Variants in THSD7B observed in about 807,000 individuals in gnomAD.
THSD7B encodes thrombospondin type 1 domain containing 7B.
THSD7B carries 138 observed loss-of-function variants against 213.6 expected under a neutral mutation model. That is an observed-to-expected ratio of 0.65 (90% CI 0.56 to 0.74). THSD7B has a LOEUF of 0.74. Ranked by LOEUF, THSD7B falls within the 30% of genes least tolerant of loss-of-function variation. The pLI is 0.00. For missense variants in THSD7B, 1,931 were observed against 1,991.5 expected, an observed-to-expected ratio of 0.97 and a Z score of 0.58; for synonymous variants, 742 against 687.0, an observed-to-expected ratio of 1.08 and a Z score of -1.25.
chr2:137,099,621 G>T (rs1333483364), intron 4 of THSD7B, among the ~76,000 whole-genome samples: 2 of 152,212 alleles, frequency 1.3e-5, no homozygotes, highest in Non-Finnish European at 2.9e-5. Context: ...CAACTCCTAC[G>T]ACCCCACTGG....
At chr2:137,080,168 A>ATATG (rs1553469344) in intron 3 of THSD7B, among the ~76,000 whole-genome samples, 2 of 148,204 alleles carry the variant, frequency 1.3e-5, no homozygotes, top group Non-Finnish European at 3.0e-5. Flanking sequence ...ATGTAAATAT[A>ATATG]TGTGTGTGTG....
intron 1 of THSD7B, among the ~76,000 whole-genome samples, chr2:136,798,184 C>A (rs1180649912): frequency 1.3e-5 from 2 of 151,760 alleles, no homozygotes; most frequent in East Asian, 3.9e-4. Context: ...ATTATTTTTC[C>A]ACTCTCATTA....
intron 6 of THSD7B, among the ~76,000 whole-genome samples, chr2:137,168,372 G>A (rs561294764): frequency 6.6e-6 from 1 of 152,316 alleles, no homozygotes; most frequent in South Asian, 2.1e-4. Context: ...CAGAACAGAA[G>A]TACCTGGGAG....
intron 1 of THSD7B, among the ~76,000 whole-genome samples, chr2:136,838,291 G>T (rs933317043): frequency 1.3e-5 from 2 of 152,130 alleles, no homozygotes; most frequent in Non-Finnish European, 2.9e-5. Flanking sequence ...AGGGAAGGAG[G>T]AGGGGAGAGT....
At chr2:137,099,294 C>T (rs1688101601) in intron 4 of THSD7B, among the ~76,000 whole-genome samples, 1 of 152,106 alleles carries the variant, frequency 6.6e-6, no homozygotes, top group Admixed American at 6.6e-5. Flanking sequence ...TTCCTTTGTC[C>T]TGACTAACAT....
chr2:137,381,336 C>T (rs1156978292), intron 12 of THSD7B, among the ~76,000 whole-genome samples: 1 of 152,206 alleles, frequency 6.6e-6, no homozygotes, highest in Non-Finnish European at 1.5e-5. Flanking sequence ...GCATTTTTGA[C>T]CACGCTATGA....
rs150443092 is a variant in THSD7B, at chr2:137,084,772, T to C, written c.951-10101T>C. Among the ~76,000 whole-genome samples, 484 of 152,318 alleles carry C rather than the reference T, an allele frequency of 3.2e-3. 2 individuals carry two copies. Among genetic ancestry groups the C allele is most frequent in the African/African-American group, 0.011 (468 of 41,564 alleles). ...CTCTGGAAGAGTTGAACAACCTGCA[T>C]CAAACTTTATGTGAAAAGAAAATAA... On this transcript the variant is annotated intron_variant, in intron 3 of 27. Transcript: ENST00000409968.
At chr2:137,328,399 A>G (rs1465011437) in intron 12 of THSD7B, among the ~76,000 whole-genome samples, 1 of 152,232 alleles carries the variant, frequency 6.6e-6, no homozygotes, top group African/African-American at 2.4e-5. Context: ...CACTTTTGAA[A>G]TGTAATTTAA....
intron 12 of THSD7B, among the ~76,000 whole-genome samples, chr2:137,322,240 C>A (rs1684277963): frequency 6.6e-6 from 1 of 152,188 alleles, no homozygotes; most frequent in Non-Finnish European, 1.5e-5. Flanking sequence ...AGTTGCAAAT[C>A]ATGGGACTAG....
rs73957584 is a variant in THSD7B at position 136,862,107 on chromosome 2, T to C, written c.-35-20037T>C. Among the ~76,000 whole-genome samples, 1,458 of 152,310 alleles carry C rather than the reference T, an allele frequency of 9.6e-3. 27 individuals are homozygous for C. Among genetic ancestry groups the C allele is most frequent in the African/African-American group, 0.033 (1,381 of 41,560 alleles). On this transcript the variant is annotated intron_variant, in intron 1 of 27. Coordinates refer to ENST00000409968, the MANE Select transcript of THSD7B (RefSeq NM_001316349.2). ...GACAGAAGCTGCAATATATTTTATGTAGTAGTCTAGGAAGTCACACACCAT... is the reference window on the plus strand; with the variant it reads ...GACAGAAGCTGCAATATATTTTATGCAGTAGTCTAGGAAGTCACACACCAT...
chr2:137,333,944 G>C (rs2104897725), intron 12 of THSD7B, among the ~76,000 whole-genome samples: 1 of 152,210 alleles, frequency 6.6e-6, no homozygotes, highest in Middle Eastern at 3.4e-3. Context: ...TAAACCAAAA[G>C]TTTGCAAACT....
intron 17 of THSD7B, among the ~76,000 whole-genome samples, chr2:137,590,792 G>GTTTTTGTTTTTTTTTTTT (rs1681847194): frequency 1.1e-5 from 1 of 88,716 alleles, no homozygotes; most frequent in Admixed American, 1.3e-4. Context: ...CTTTGAAATA[G>GTTTTTGTTTTTTTTTTTT]TTTTTTTTTT....
At chr2:136,932,800 G>A (rs527242107) in intron 2 of THSD7B, among the ~76,000 whole-genome samples, 1 of 152,218 alleles carries the variant, frequency 6.6e-6, no homozygotes, top group Admixed American at 6.5e-5. Context: ...TTAAACCTGT[G>A]TTGTTCAAGG....
chr2:137,563,321 G>C lies in THSD7B; in HGVS notation c.3239G>C (p.Arg1080Pro). ...ATCAACAATGAGCTGAGGTCCCTGC[G>C]CTGTGGAGGAGGAACACAATCTAGG... ...CKINNELRSL[R>P]CGGGTQSRKI... Residue 1080 changes from arginine to proline, a missense_variant, in exon 16 of 28, where the codon CGC becomes CCC. By Grantham distance (103) the Arg-to-Pro change is moderately radical (BLOSUM62 -2). Transcript: ENST00000409968. 1 of 1,613,308 alleles carries C rather than the reference G, an allele frequency of 6.2e-7. No individual in the cohort carries two copies. Among genetic ancestry groups the C allele is most frequent in the East Asian group, 2.2e-5 (1 of 44,860 alleles).
intron 15 of THSD7B, among the ~76,000 whole-genome samples, chr2:137,460,174 C>G (rs932434038): frequency 6.6e-6 from 1 of 152,170 alleles, no homozygotes; most frequent in Non-Finnish European, 1.5e-5. Context: ...GTGTCACCCA[C>G]TGGTACATTA....
At chr2:137,553,599 A>G (rs781779313) in intron 15 of THSD7B, among the ~76,000 whole-genome samples, 6 of 152,180 alleles carry the variant, frequency 3.9e-5, no homozygotes, top group Non-Finnish European at 8.8e-5. Flanking sequence ...TTACTAGGAG[A>G]ATGAAATGTT....
At chr2:136,985,858 C>T (rs1685664012) in intron 2 of THSD7B, among the ~76,000 whole-genome samples, 1 of 152,232 alleles carries the variant, frequency 6.6e-6, no homozygotes, top group South Asian at 2.1e-4. Flanking sequence ...AGCCACAGGG[C>T]AGAACTGCCC....
At chr2:137,482,424 A>ACT (rs1688328674) in intron 15 of THSD7B, among the ~76,000 whole-genome samples, 1 of 152,208 alleles carries the variant, frequency 6.6e-6, no homozygotes, top group Non-Finnish European at 1.5e-5. Context: ...AAAACTTCTA[A>ACT]TATACTTATG....
intron 11 of THSD7B, among the ~76,000 whole-genome samples, chr2:137,274,804 G>A (rs1682831033): frequency 6.6e-6 from 1 of 151,992 alleles, no homozygotes; most frequent in Non-Finnish European, 1.5e-5. Flanking sequence ...GTATATCTAT[G>A]CATGTATAAA....
Sources: gnomAD v4.1 joint callset for allele counts (sites outside exome capture counted in the v4.1 genomes callset) on GRCh38, gnomAD v4.1.1 for gene constraint, MANE v1.5 for transcripts, NCBI Gene and HGNC (gene_info 2026-07-23, HGNC 2026-07-21) for gene names.